The following ERC1 variants were observed in gnomAD, a reference collection of about 807,000 sequenced individuals.
ERC1 encodes RAB6 interacting protein 2.
A neutral mutation model predicts 132.0 loss-of-function variants in ERC1; 56 were observed. That is an observed-to-expected ratio of 0.42 (90% confidence interval 0.34 to 0.53). The LOEUF (loss-of-function observed/expected upper bound fraction) is 0.53. Among genes scored for constraint, ERC1 ranks in the 20% least tolerant of loss-of-function variants. The probability of loss-of-function intolerance (pLI) is 0.03; values close to 1 mark genes in which losing one functional copy is unlikely to be tolerated. For missense variants in ERC1, 1,202 were observed against 1,349.9 expected (o/e 0.89, Z 1.72); for synonymous variants, 478 against 476.1 (o/e 1.00, Z -0.05).
At chr12:1,131,287 C>T (rs1948735932) in intron 7 of ERC1, among the ~76,000 whole-genome samples, 1 of 152,050 alleles carries the variant, frequency 6.6e-6, no homozygotes. Flanking sequence ...GGATGGAGAA[C>T]ACTGAAAAGG....
At chr12:1,224,241 C>A (rs1454208692) in intron 12 of ERC1, among the ~76,000 whole-genome samples, 1 of 152,100 alleles carries the variant, frequency 6.6e-6, no homozygotes, top group Non-Finnish European at 1.5e-5. Flanking sequence ...ATTCATAAAA[C>A]CATGTGCATG....
chr12:1,404,799 G>A (rs1208492186), intron 16 of ERC1, among the ~76,000 whole-genome samples: 1 of 152,102 alleles, frequency 6.6e-6, no homozygotes, highest in African/African-American at 2.4e-5. Flanking sequence ...TCTCCAAAAG[G>A]CCCATTTCAT....
At chr12:1,200,726 T>C (rs1234582953) in intron 12 of ERC1, among the ~76,000 whole-genome samples, 2 of 151,998 alleles carry the variant, frequency 1.3e-5, no homozygotes, top group African/African-American at 4.8e-5. Context: ...AGCCGGCTAG[T>C]TTTTTGTATT....
chr12:1,261,063 C>T (rs1488572123), intron 13 of ERC1, among the ~76,000 whole-genome samples: 1 of 152,138 alleles, frequency 6.6e-6, no homozygotes, highest in African/African-American at 2.4e-5. Flanking sequence ...AAACTTGATT[C>T]TCTGCATTGT....
Position 1,189,885 on chromosome 12 carries a change from A to G in ERC1, c.2184A>G (p.Arg728=), listed in dbSNP as rs546503661. ...KKAHEAALEA[R]ASPEMSDRIQ... The stretch of plus-strand genomic sequence containing the variant: ...CACATGAGGCAGCATTGGAAGCCAG[A>G]GCCAGTCCAGAGATGAGTGACCGAA... Residue 728 remains arginine (R), a synonymous_variant, in exon 12 of 19, where the codon AGA becomes AGG. Transcript: ENST00000360905. 2 of 1,611,090 alleles carry G rather than the reference A, an allele frequency of 1.2e-6. No homozygotes were observed. Among genetic ancestry groups the G allele is most frequent in the East Asian group, 2.2e-5 (1 of 44,848 alleles).
intron 2 of ERC1, among the ~76,000 whole-genome samples, chr12:1,045,506 A>G (rs563567249): frequency 6.6e-6 from 1 of 152,240 alleles, no homozygotes; most frequent in Admixed American, 6.5e-5. Flanking sequence ...TAGAACATTT[A>G]TAGATACCAT....
intron 18 of ERC1, among the ~76,000 whole-genome samples, chr12:1,469,532 C>A (rs1192260189): frequency 1.3e-5 from 2 of 152,244 alleles, no homozygotes; most frequent in African/African-American, 4.8e-5. Context: ...TGGGCTTCGC[C>A]TCCCCTCCGT....
chr12:1,154,239 A>ATG (rs1240683952), intron 8 of ERC1, among the ~76,000 whole-genome samples: 3 of 146,576 alleles, frequency 2.0e-5, no homozygotes, highest in African/African-American at 7.8e-5. Flanking sequence ...GTATATGTAT[A>ATG]TGTATATGTA....
intron 17 of ERC1, among the ~76,000 whole-genome samples, chr12:1,408,959 A>C (rs1230628655): frequency 6.6e-6 from 1 of 151,906 alleles, no homozygotes; most frequent in Non-Finnish European, 1.5e-5. Flanking sequence ...TCTCTATCAC[A>C]CCCAGTCTTA....
At chr12:1,455,511 G>A (rs1215470710) in intron 18 of ERC1, among the ~76,000 whole-genome samples, 1 of 152,124 alleles carries the variant, frequency 6.6e-6, no homozygotes, top group Non-Finnish European at 1.5e-5. Flanking sequence ...GTTCTGCACT[G>A]CGCTTAGAAT....
chr12:1,208,794 T>C (rs1957574376), intron 12 of ERC1, among the ~76,000 whole-genome samples: 1 of 152,066 alleles, frequency 6.6e-6, no homozygotes, highest in Non-Finnish European at 1.5e-5. Flanking sequence ...TTTTTTTGTT[T>C]TGTTTTGAGA....
At chr12:1,351,193 A>G (rs1289818952) in intron 15 of ERC1, among the ~76,000 whole-genome samples, 4 of 152,176 alleles carry the variant, frequency 2.6e-5, no homozygotes, top group African/African-American at 9.7e-5. Context: ...CCAGTCTTTG[A>G]TTTACTGCTT....
chr12:1,063,547 C>T (rs1214460972), intron 2 of ERC1, among the ~76,000 whole-genome samples: 1 of 152,166 alleles, frequency 6.6e-6, no homozygotes. Flanking sequence ...CAGGTGTGAG[C>T]CACCGCACCT....
chr12:1,361,407 ATAAT>A (rs1002245287), intron 15 of ERC1, among the ~76,000 whole-genome samples: 6 of 151,842 alleles, frequency 4.0e-5, no homozygotes, highest in Non-Finnish European at 5.9e-5. Context: ...TTAAAGTATA[ATAAT>A]TAAACATAAA....
intron 1 of ERC1, among the ~76,000 whole-genome samples, chr12:992,511 TA>T (rs1959775069): frequency 6.6e-6 from 1 of 152,238 alleles, no homozygotes; most frequent in African/African-American, 2.4e-5. Context: ...CAGTCTTTAT[TA>T]AAACACTTTA....
At chr12:1,338,148 C>T (rs2083468333) in intron 15 of ERC1, among the ~76,000 whole-genome samples, 1 of 152,146 alleles carries the variant, frequency 6.6e-6, no homozygotes, top group African/African-American at 2.4e-5. Context: ...CTTACGCTCT[C>T]CCCATCTCTT....
At chr12:1,395,784 A>T (rs202113674) in intron 16 of ERC1, among the ~76,000 whole-genome samples, 120 of 151,986 alleles carry the variant, frequency 7.9e-4, no homozygotes, top group East Asian at 2.3e-3. Flanking sequence ...ACCAAAAAAA[A>T]TTTTTTTTAT....
rs1257321361 is a variant in ERC1, at chr12:1,163,368, CA to C, written c.1738-17168del. Among the ~76,000 whole-genome samples the C allele has an allele frequency of 2.0e-5, 3 of 152,104 alleles. 1 individual carries two copies. The highest frequency in any genetic ancestry group is 1.3e-4 in the Admixed American group (2 of 15,264). On this transcript the variant is annotated intron_variant, in intron 8 of 18. Transcript: ENST00000360905. ...CTCTCCAAAAAATACTACAAAATAA[CA>C]AAATACCCCCTCATCCCTACATTGT...
At chr12:1,240,433 A>G (rs2075716542) in intron 13 of ERC1, among the ~76,000 whole-genome samples, 1 of 152,238 alleles carries the variant, frequency 6.6e-6, no homozygotes. Context: ...TCGTATCTGT[A>G]AAATGAGTCT....
Sources: allele counts gnomAD v4.1 joint callset (sites outside exome capture counted in the v4.1 genomes callset), GRCh38; gene constraint gnomAD v4.1.1; transcripts MANE v1.5; gene names NCBI Gene and HGNC (gene_info 2026-07-23, HGNC 2026-07-21).